Variants in TRIM37 observed in about 807,000 individuals in gnomAD.
TRIM37 encodes the protein tripartite motif containing 37, also known as E3 ubiquitin-protein ligase TRIM37.
In TRIM37, 80 loss-of-function variants were observed where a neutral mutation model predicts 129.8. That is an observed-to-expected ratio of 0.62 (90% CI 0.51 to 0.74). The LOEUF (loss-of-function observed/expected upper bound fraction) is 0.74. Among genes scored for constraint, TRIM37 ranks in the 30% least tolerant of loss-of-function variants. The pLI is 0.00. For missense variants in TRIM37, 1,054 were observed against 1,176.5 expected, an observed-to-expected ratio of 0.90 and a Z score of 1.52; for synonymous variants, 389 against 387.1, an observed-to-expected ratio of 1.00 and a Z score of -0.06.
chr17:59,096,548 TCAAAAAAAAAAAAA>T (rs540968254), intron 2 of TRIM37, among the ~76,000 whole-genome samples: 1,722 of 55,644 alleles, frequency 0.031, 16 homozygotes, highest in Middle Eastern at 0.16. Flanking sequence ...AGACTCTGTC[TCAAAAAAAAAAAAA>T]CAAAAAAAAA....
intron 4 of TRIM37, among the ~76,000 whole-genome samples, chr17:59,087,071 T>G (rs918472720): frequency 2.0e-5 from 3 of 152,164 alleles, no homozygotes; most frequent in African/African-American, 7.2e-5. Context: ...AAAGTCCAGT[T>G]AAACTTGAAT....
At chr17:59,060,789 G>C (rs937063713) in intron 12 of TRIM37, among the ~76,000 whole-genome samples, 3 of 152,136 alleles carry the variant, frequency 2.0e-5, no homozygotes, top group Non-Finnish European at 4.4e-5. Flanking sequence ...GCAGACATGA[G>C]AATCCAGTAG....
intron 17 of TRIM37, among the ~76,000 whole-genome samples, chr17:59,035,846 G>C (rs1196710557): frequency 1.3e-5 from 2 of 152,102 alleles, no homozygotes; most frequent in African/African-American, 4.8e-5. Flanking sequence ...ACGGATCGGT[G>C]ACAGGTTCTT....
chr17:59,078,145 A>G (rs2042977985), intron 7 of TRIM37, among the ~76,000 whole-genome samples: 1 of 152,056 alleles, frequency 6.6e-6, no homozygotes, highest in South Asian at 2.1e-4. Context: ...AATAATAATA[A>G]TAAATTAGTG....
At chr17:58,996,792 ATGTGTGTGTGTGTG>A (rs111408971), downstream of TRIM37, among the ~76,000 whole-genome samples, 9 of 79,326 alleles carry the variant, frequency 1.1e-4, no homozygotes, top group African/African-American at 3.0e-4. Context: ...GTATATATAT[ATGTGTGTGTGTGTG>A]TGTGTGTGTG....
At chr17:59,008,618 G>A (rs531155415) in intron 22 of TRIM37, among the ~76,000 whole-genome samples, 8 of 152,256 alleles carry the variant, frequency 5.3e-5, no homozygotes, top group South Asian at 2.1e-4. Flanking sequence ...CAAATCGGGC[G>A]GCCGGGTGTG....
chr17:59,106,295 C>A, intron 1 of TRIM37, 146 bp downstream of exon 1: 1 of 928,304 alleles, frequency 1.1e-6, no homozygotes, highest in Non-Finnish European at 1.7e-6. Flanking sequence ...GGCACGGCAT[C>A]CTTGGTACCG....
Position 59,106,629 on chromosome 17 carries a change from GC to G in TRIM37, c.-169del. 1 of 764,550 alleles carries G rather than the reference GC, an allele frequency of 1.3e-6. No homozygotes were observed. Among genetic ancestry groups the G allele is most frequent in the Non-Finnish European group, 2.2e-6 (1 of 460,312 alleles). The allele number at this position is 764,550 out of a possible 1,614,324, so 47.4% of individuals were successfully genotyped here. A position where few individuals can be genotyped will look rare whatever the true frequency, so the allele number is the denominator to read the frequency against. On this transcript the variant is annotated 5_prime_UTR_variant, in exon 1 of 24. It removes the in-frame stop codon of an upstream open reading frame in the 5' UTR. Transcript: ENST00000262294. ...CGCGCCCCATCTCTTCAGGTCCAGC[GC>G]CGCCTACCCCCATTTCGCCATTTTT...
chr17:59,091,631 GTATAA>G lies in TRIM37; in HGVS notation c.124-296_124-292del, dbSNP rs569649881. ...TAATATATATATAATGTATAATAAT[GTATAA>G]TATATTATATAATATTTATATATAT... On this transcript the variant is annotated intron_variant, in intron 2 of 23. Coordinates refer to ENST00000262294, the MANE Select transcript of TRIM37 (RefSeq NM_015294.6). Among the ~76,000 whole-genome samples the G allele has an allele frequency of 3.6e-3, 492 of 135,324 alleles. 5 individuals are homozygous for G. Among genetic ancestry groups the G allele is most frequent in the African/African-American group, 0.012 (454 of 36,610 alleles). 88.8% of individuals were successfully genotyped at this position (135,324 alleles called of 152,430 possible).
intron 19 of TRIM37, among the ~76,000 whole-genome samples, chr17:59,027,601 C>T (rs149834888): frequency 5.1e-4 from 77 of 152,328 alleles, no homozygotes; most frequent in African/African-American, 1.7e-3. Flanking sequence ...ATGTAATAGG[C>T]TGTTACTGGT....
intron 22 of TRIM37, among the ~76,000 whole-genome samples, chr17:59,007,261 T>C (rs933855846): frequency 2.4e-5 from 3 of 123,024 alleles, no homozygotes; most frequent in Non-Finnish European, 3.2e-5. Context: ...CTGATGACAC[T>C]GAGCAGCTGA....
At chr17:59,081,322 A>T (rs1183775293) in intron 5 of TRIM37, 103 bp from the exon 6 acceptor site, 26 of 1,488,406 alleles carry the variant, frequency 1.7e-5, no homozygotes, top group Non-Finnish European at 2.3e-5. Flanking sequence ...AAATCTCTCA[A>T]ATGAACTTTA....
chr17:58,979,125 G>A (rs2031209908), downstream of TRIM37, among the ~76,000 whole-genome samples: 1 of 152,196 alleles, frequency 6.6e-6, no homozygotes, highest in South Asian at 2.1e-4. Context: ...AAGAGAGAAA[G>A]GCCCAGAAAG....
At chr17:59,053,380 CT>C (rs1290778163) in intron 13 of TRIM37, among the ~76,000 whole-genome samples, 1 of 152,166 alleles carries the variant, frequency 6.6e-6, no homozygotes, top group African/African-American at 2.4e-5. Flanking sequence ...GTGAAGCCCC[CT>C]ATCCACAAAC....
chr17:58,974,080 A>T, the TRIM37 span, among the ~76,000 whole-genome samples: 1 of 151,762 alleles, frequency 6.6e-6, no homozygotes, highest in Admixed American at 6.6e-5. Flanking sequence ...GTGAGCCAAG[A>T]TTGTGCCACT....
intron 19 of TRIM37, among the ~76,000 whole-genome samples, chr17:59,027,340 A>C (rs1254851733): frequency 6.6e-6 from 1 of 152,174 alleles, no homozygotes; most frequent in African/African-American, 2.4e-5. Flanking sequence ...CATAATTCTT[A>C]GTTTCTTTCT....
chr17:59,050,746 G>A (rs1300800641), intron 14 of TRIM37, among the ~76,000 whole-genome samples: 2 of 152,118 alleles, frequency 1.3e-5, no homozygotes. Flanking sequence ...TTGGGAGGCC[G>A]AGGTGGGCAG....
Position 59,062,639 on chromosome 17 carries a change from A to C in TRIM37, c.870T>G (p.Arg290=). Residue 290 remains arginine, a synonymous_variant, in exon 11 of 24, where the codon CGT becomes CGG. Coordinates refer to ENST00000262294, the MANE Select transcript of TRIM37 (RefSeq NM_015294.6). ...TFVLENFSTL[R]QRADPVYSPP... is the part of the protein sequence containing the mutation. ...GACTGTAAACAGGATCTGCTCTCTGACGCAAAGTGCTAACGAAAAAGAAAA... is the reference window on the plus strand; with the variant it reads ...GACTGTAAACAGGATCTGCTCTCTGCCGCAAAGTGCTAACGAAAAAGAAAA... 1 of 1,613,990 alleles carries C rather than the reference A, an allele frequency of 6.2e-7. No individual in the cohort carries two copies. The highest frequency in any genetic ancestry group is 8.5e-7 in the Non-Finnish European group (1 of 1,179,898).
chr17:58,980,745 G>C (rs2031308134), downstream of TRIM37: 1 of 1,614,106 alleles, frequency 6.2e-7, no homozygotes, highest in Non-Finnish European at 8.5e-7. This position sits in a 1 kb window ranked among gnomAD's most constrained non-coding sequence, Gnocchi z 4.7. Context: ...AAATCCCCGG[G>C]AAACAGAGTT....
Sources: allele counts gnomAD v4.1 joint callset (sites outside exome capture counted in the v4.1 genomes callset), GRCh38; gene constraint gnomAD v4.1.1; non-coding constraint Gnocchi (gnomAD v3.1); transcripts MANE v1.5; gene names NCBI Gene and HGNC (gene_info 2026-07-23, HGNC 2026-07-21).